FBXW8: variants seen among roughly 807,000 people sequenced by gnomAD.
The protein encoded by FBXW8 is F-box and WD repeat domain containing 8.
FBXW8 carries 57 observed loss-of-function variants against 65.3 expected under a neutral mutation model. The ratio of observed to expected loss-of-function variants is 0.87; its 90% CI spans 0.71 to 1.09. FBXW8 has a LOEUF of 1.09. Among genes scored for constraint, FBXW8 ranks in the 50% least tolerant of loss-of-function variants. FBXW8 has a pLI of 0.00. For synonymous variants in FBXW8, 308 were observed against 330.2 expected (o/e 0.93, Z 0.73); for missense variants, 777 against 814.8 (o/e 0.95, Z 0.57).
At chr12:116,914,679 C>T (rs371636900) in intron 1 of FBXW8, among the ~76,000 whole-genome samples, 175 of 151,746 alleles carry the variant, frequency 1.2e-3, no homozygotes, top group African/African-American at 3.9e-3. Context: ...AGTTCGAGAC[C>T]AGCCTAACCA....
chr12:116,979,844 T>C (rs1042368636), intron 5 of FBXW8, among the ~76,000 whole-genome samples: 10 of 151,908 alleles, frequency 6.6e-5, no homozygotes, highest in African/African-American at 2.4e-4. Flanking sequence ...AACCTCCCTT[T>C]GTGTTTGCTG....
intron 4 of FBXW8, among the ~76,000 whole-genome samples, chr12:116,953,982 C>T (rs150951961): frequency 0.016 from 2,375 of 151,580 alleles, 53 homozygotes; most frequent in African/African-American, 0.046. Context: ...GGCGTGGTGG[C>T]GGGCACCTGT....
chr12:116,940,914 A>G (rs1882523120), intron 2 of FBXW8, among the ~76,000 whole-genome samples: 2 of 152,222 alleles, frequency 1.3e-5, no homozygotes, highest in Admixed American at 6.5e-5. Flanking sequence ...GGGTGCATTG[A>G]GAGAGTGTCA....
At chr12:116,981,826 C>T (rs1044544653) in intron 5 of FBXW8, among the ~76,000 whole-genome samples, 2 of 152,142 alleles carry the variant, frequency 1.3e-5, no homozygotes, top group African/African-American at 4.8e-5. Flanking sequence ...GTTGGCCAGA[C>T]TGGTCTCAAA....
At position 116,910,981 on chromosome 12, in the gene FBXW8, C is replaced by G. The variant is rs1442599622; in HGVS notation, c.-57C>G. On this transcript the variant is annotated 5_prime_UTR_variant, in exon 1 of 11. Transcript: ENST00000652555. ...GCGGCGGACACTTCCCTGGGCGGGA[C>G]TGTCTCGTGGCACCCGGTGGAACCG... The G allele has an allele frequency of 2.3e-6, 3 of 1,327,114 alleles. No individual in the cohort carries two copies. The highest frequency in any genetic ancestry group is 3.1e-5 in the African/African-American group (2 of 64,782). The allele number at this position is 1,327,114 out of a possible 1,614,324, so 82.2% of individuals were successfully genotyped here.
At chr12:116,948,021 A>G (rs1883045688) in intron 3 of FBXW8, among the ~76,000 whole-genome samples, 1 of 152,196 alleles carries the variant, frequency 6.6e-6, no homozygotes, top group Admixed American at 6.5e-5. Flanking sequence ...TGGGTTAGGC[A>G]GGCGATTTGG....
At chr12:116,997,737 C>G (rs569364661) in intron 7 of FBXW8, among the ~76,000 whole-genome samples, 8 of 152,350 alleles carry the variant, frequency 5.3e-5, no homozygotes, top group Non-Finnish European at 1.0e-4. Context: ...TGCAGGAGCC[C>G]TGCTGAAACC....
At chr12:117,006,407 C>T (rs1035846109) in intron 7 of FBXW8, among the ~76,000 whole-genome samples, 13 of 152,230 alleles carry the variant, frequency 8.5e-5, no homozygotes, top group African/African-American at 3.1e-4. Context: ...GAGCTCACCC[C>T]GCCTCCCACC....
intron 4 of FBXW8, among the ~76,000 whole-genome samples, chr12:116,960,838 T>G (rs915540202): frequency 6.6e-6 from 1 of 152,070 alleles, no homozygotes; most frequent in African/African-American, 2.4e-5. Flanking sequence ...AGGACTGTAT[T>G]AGTAAAAGCA....
chr12:116,977,499 C>T (rs1048900657), intron 5 of FBXW8: 2 of 152,226 alleles, frequency 1.3e-5, no homozygotes, highest in Admixed American at 1.3e-4. Flanking sequence ...GAACGAATAG[C>T]ATGATGCACC....
chr12:116,920,230 C>T (rs1346222484), intron 1 of FBXW8, among the ~76,000 whole-genome samples: 1 of 152,224 alleles, frequency 6.6e-6, no homozygotes, highest in African/African-American at 2.4e-5. Flanking sequence ...CAGGCCTCCA[C>T]TTACGAACCT....
intron 5 of FBXW8, among the ~76,000 whole-genome samples, chr12:116,966,546 C>A (rs1320923505): frequency 6.6e-6 from 1 of 152,048 alleles, no homozygotes; most frequent in African/African-American, 2.4e-5. Context: ...TAGAAATGTG[C>A]GCCCAATTGA....
At chr12:116,984,066 G>A (rs796203057) in intron 5 of FBXW8, among the ~76,000 whole-genome samples, 42 of 152,306 alleles carry the variant, frequency 2.8e-4, no homozygotes, top group African/African-American at 8.4e-4. Flanking sequence ...ATTGGAGCAA[G>A]GCATTAACCA....
intron 5 of FBXW8, among the ~76,000 whole-genome samples, chr12:116,984,201 G>A (rs1200120784): frequency 6.6e-6 from 1 of 152,166 alleles, no homozygotes; most frequent in Non-Finnish European, 1.5e-5. Context: ...TACAGAAAAG[G>A]TTATCTGACT....
At chr12:116,976,048 A>G (rs910102354) in intron 5 of FBXW8, among the ~76,000 whole-genome samples, 1 of 152,378 alleles carries the variant, frequency 6.6e-6, no homozygotes. Context: ...GGAAAGCTGG[A>G]TGAAGCTATA....
chr12:116,911,135 AGAGGCGGGCTCGGCGGCCG>A lies in FBXW8; in HGVS notation c.103_121del (p.Arg35TrpfsTer39). ...AAGCGGCGACGGCCCGAGGCTGCCG[AGAGGCGGGCTCGGCGGCCG>A]GAGGTGGGCTCCGGGCGCGGCGAAC... is the stretch of plus-strand genomic sequence containing the variant. On this transcript the variant is annotated frameshift_variant, in exon 1 of 11. Transcript: ENST00000652555. LOFTEE classifies it high-confidence loss of function. 7.3e-6 allele frequency: 10 copies of A among 1,365,634 alleles called. No individual in the cohort carries two copies. Among genetic ancestry groups the A allele is most frequent in the Non-Finnish European group, 9.3e-6 (10 of 1,069,568 alleles). The allele number at this position is 1,365,634 out of a possible 1,614,324, so 84.6% of individuals were successfully genotyped here. A position where few individuals can be genotyped will look rare whatever the true frequency, so the allele number is the denominator to read the frequency against.
intron 6 of FBXW8, among the ~76,000 whole-genome samples, chr12:116,988,117 T>C (rs1953141109): frequency 6.6e-6 from 1 of 152,234 alleles, no homozygotes; most frequent in Admixed American, 6.5e-5. Flanking sequence ...TGTTTCTGTT[T>C]TTCTAGTTTT....
intron 4 of FBXW8, among the ~76,000 whole-genome samples, chr12:116,958,200 A>G (rs1883769420): frequency 6.6e-6 from 1 of 152,246 alleles, no homozygotes; most frequent in Non-Finnish European, 1.5e-5. Flanking sequence ...CCACAGAAGG[A>G]TTCTGCACTG....
At chr12:117,020,710 T>C (rs1264620595) in intron 8 of FBXW8, among the ~76,000 whole-genome samples, 7 of 152,184 alleles carry the variant, frequency 4.6e-5, no homozygotes, top group African/African-American at 1.7e-4. Flanking sequence ...CTTCAGTGTG[T>C]TTGATGAAAC....
Sources: allele counts gnomAD v4.1 joint callset (sites outside exome capture counted in the v4.1 genomes callset), GRCh38; gene constraint gnomAD v4.1.1; transcripts MANE v1.5; gene names NCBI Gene and HGNC (gene_info 2026-07-23, HGNC 2026-07-21).